Variants in SND1 observed in about 807,000 individuals in gnomAD.
SND1 encodes the protein staphylococcal nuclease domain-containing protein 1.
In SND1, 38 loss-of-function variants were observed where a neutral mutation model predicts 121.7. The ratio of observed to expected loss-of-function variants is 0.31; its 90% CI spans 0.24 to 0.41. SND1 has a LOEUF of 0.41. Among genes scored for constraint, SND1 ranks in the 10% least tolerant of loss-of-function variants. The pLI, the probability that SND1 is intolerant of heterozygous loss-of-function variation, is 1.00. For synonymous variants in SND1, 401 were observed against 447.4 expected (o/e 0.90, Z 1.31); for missense variants, 868 against 1,184.6 (o/e 0.73, Z 3.92).
chr7:127,926,764 T>TA (rs1563060633), intron 14 of SND1, among the ~76,000 whole-genome samples: 5,395 of 150,298 alleles, frequency 0.036, 318 homozygotes, highest in African/African-American at 0.13. Flanking sequence ...TTGTTGTTGT[T>TA]GTACTTTTAG....
chr7:128,075,842 A>C (rs948777154), intron 17 of SND1, among the ~76,000 whole-genome samples: 11 of 152,244 alleles, frequency 7.2e-5, no homozygotes, highest in African/African-American at 1.2e-4. Context: ...AGGCAGCCTC[A>C]GCTCCTATAG....
intron 1 of SND1, among the ~76,000 whole-genome samples, chr7:127,662,561 T>G (rs1452402236): frequency 6.6e-6 from 1 of 152,190 alleles, no homozygotes; most frequent in Non-Finnish European, 1.5e-5. Flanking sequence ...TTTTTGGTGG[T>G]GGTTGGGGTG....
At chr7:128,009,248 C>T (rs1163560785) in intron 16 of SND1, among the ~76,000 whole-genome samples, 1 of 152,146 alleles carries the variant, frequency 6.6e-6, no homozygotes, top group East Asian at 1.9e-4. Flanking sequence ...AGACAAGGTA[C>T]TGGGGAAAGA....
chr7:127,663,420 G>A (rs553348739), intron 1 of SND1, among the ~76,000 whole-genome samples: 1 of 150,274 alleles, frequency 6.7e-6, no homozygotes, highest in East Asian at 2.0e-4. Flanking sequence ...TCGCCAGGCT[G>A]GTGTGCAGTG....
intron 16 of SND1, among the ~76,000 whole-genome samples, chr7:128,014,758 G>T (rs976214152): frequency 2.6e-5 from 4 of 152,208 alleles, no homozygotes; most frequent in Non-Finnish European, 5.9e-5. Flanking sequence ...AGTTGTGAGA[G>T]AGAACAGTCC....
intron 1 of SND1, among the ~76,000 whole-genome samples, chr7:127,662,838 T>C (rs1239085406): frequency 1.3e-5 from 2 of 152,034 alleles, no homozygotes; most frequent in African/African-American, 4.8e-5. Context: ...CTCAAGTCCC[T>C]TGTATAACAT....
chr7:127,936,359 C>A (rs1240905072), intron 15 of SND1, among the ~76,000 whole-genome samples: 1 of 152,166 alleles, frequency 6.6e-6, no homozygotes, highest in Non-Finnish European at 1.5e-5. Context: ...TTTTCCTCAT[C>A]TGGCCTTTAG....
intron 11 of SND1, among the ~76,000 whole-genome samples, chr7:127,818,664 T>A (rs1313312381): frequency 6.6e-6 from 1 of 152,204 alleles, no homozygotes; most frequent in African/African-American, 2.4e-5. Context: ...CCTGGCAGGT[T>A]GCTGCTGAGC....
chr7:127,805,586 A>T (rs1317017039), intron 10 of SND1, among the ~76,000 whole-genome samples: 1 of 152,204 alleles, frequency 6.6e-6, no homozygotes, highest in Non-Finnish European at 1.5e-5. Context: ...TATGTGCTAG[A>T]GGCATGGAGG....
At chr7:127,749,542 T>C (rs772805113) in intron 10 of SND1, among the ~76,000 whole-genome samples, 2 of 151,804 alleles carry the variant, frequency 1.3e-5, no homozygotes, top group Non-Finnish European at 2.9e-5. Flanking sequence ...AATTAGACAG[T>C]GTACATGGAA....
rs76265638 is a variant in SND1 at position 127,921,545 on chromosome 7, C to T, written c.1528-7643C>T. On this transcript the variant is annotated intron_variant, in intron 14 of 23. Coordinates refer to ENST00000354725, the MANE Select transcript of SND1 (RefSeq NM_014390.4). ...AAATATTGTATATTCTTCCTGTGCACGTTGTTTTTATTGTGTTGTTGTATA... is the reference window on the plus strand; with the variant it reads ...AAATATTGTATATTCTTCCTGTGCATGTTGTTTTTATTGTGTTGTTGTATA... Among the ~76,000 whole-genome samples the T allele has an allele frequency of 6.8e-3, 1,027 of 152,106 alleles. 11 individuals carry two copies. The highest frequency in any genetic ancestry group is 0.023 in the African/African-American group (973 of 41,502).
intron 16 of SND1, among the ~76,000 whole-genome samples, chr7:128,024,706 T>TA (rs571749813): frequency 1.3e-5 from 2 of 152,226 alleles, no homozygotes; most frequent in South Asian, 4.1e-4. Flanking sequence ...CTAGCCTATC[T>TA]ACCTTTACCT....
intron 12 of SND1, among the ~76,000 whole-genome samples, chr7:127,884,777 C>T (rs993558870): frequency 2.6e-5 from 4 of 152,090 alleles, no homozygotes; most frequent in African/African-American, 9.7e-5. Flanking sequence ...TCTTATAGAA[C>T]CTGAACCAAC....
At chr7:127,736,538 A>G (rs1796778990) in intron 10 of SND1, among the ~76,000 whole-genome samples, 1 of 152,244 alleles carries the variant, frequency 6.6e-6, no homozygotes, top group Admixed American at 6.5e-5. Context: ...GCCTTGAAGT[A>G]CAAAGCATTA....
chr7:127,746,210 G>A (rs545525639), intron 10 of SND1, among the ~76,000 whole-genome samples: 20 of 152,282 alleles, frequency 1.3e-4, no homozygotes, highest in African/African-American at 4.6e-4. Context: ...TTATTTCATA[G>A]CATAGTCTCT....
intron 22 of SND1, among the ~76,000 whole-genome samples, chr7:128,091,177 G>A (rs1404916918): frequency 1.3e-5 from 2 of 152,150 alleles, no homozygotes; most frequent in Non-Finnish European, 2.9e-5. Flanking sequence ...AATAGAAGTG[G>A]AATCCAGGGA....
intron 15 of SND1, among the ~76,000 whole-genome samples, chr7:127,966,881 C>A (rs1329533219): frequency 6.6e-6 from 1 of 150,640 alleles, no homozygotes; most frequent in Admixed American, 6.6e-5. Flanking sequence ...AATAGAGACA[C>A]AAAAAACCCT....
chr7:127,662,740 G>A (rs982266711), intron 1 of SND1, among the ~76,000 whole-genome samples: 2 of 152,054 alleles, frequency 1.3e-5, no homozygotes, highest in Non-Finnish European at 2.9e-5. Context: ...GGAGCGCAGG[G>A]CCCAGCACCT....
chr7:128,035,081 A>G (rs567585831), intron 16 of SND1, among the ~76,000 whole-genome samples: 2 of 152,382 alleles, frequency 1.3e-5, no homozygotes, highest in South Asian at 4.1e-4. Flanking sequence ...AAAAGCCAGC[A>G]GTGATTGGGG....
Sources: gnomAD v4.1 joint callset for allele counts (sites outside exome capture counted in the v4.1 genomes callset) on GRCh38, gnomAD v4.1.1 for gene constraint, MANE v1.5 for transcripts, NCBI Gene and HGNC (gene_info 2026-07-23, HGNC 2026-07-21) for gene names.